Variants in STX3 observed in about 807,000 individuals in gnomAD.
STX3 encodes the protein syntaxin 3.
In STX3, 19 loss-of-function variants were observed where a neutral mutation model predicts 40.2. The ratio of observed to expected loss-of-function variants is 0.47; its 90% CI spans 0.33 to 0.69. The LOEUF is 0.69. Among genes scored for constraint, STX3 ranks in the 30% least tolerant of loss-of-function variants. The pLI is 0.02. For synonymous variants in STX3, 122 were observed against 132.2 expected (o/e 0.92, Z 0.53); for missense variants, 364 against 366.7 (o/e 0.99, Z 0.06).
Position 59,797,349 on chromosome 11 carries a change from T to A in STX3, c.853T>A (p.Ser285Thr). 6.2e-7 allele frequency: 1 copy of A among 1,614,190 alleles called. No homozygotes were observed. Among genetic ancestry groups the A allele is most frequent in the Non-Finnish European group, 8.5e-7 (1 of 1,180,032 alleles). Residue 285 changes from serine (S) to threonine (T), a missense_variant, in exon 10 of 11, where the codon TCC becomes ACC. Coordinates refer to ENST00000337979, the MANE Select transcript of STX3 (RefSeq NM_004177.5). ...LGILALIIGL[S>T]VGLN ...CATTTTAGCATTGATTATTGGACTT[T>A]CCGTTGGGCTGAATTAAGAGTGGCC...
At chr11:59,769,621 G>A (rs1863461617) in intron 1 of STX3, among the ~76,000 whole-genome samples, 1 of 152,172 alleles carries the variant, frequency 6.6e-6, no homozygotes, top group South Asian at 2.1e-4. Context: ...CTAAGAAGTA[G>A]CCATTGTGGA....
chr11:59,789,103 T>C (rs1416416224), intron 4 of STX3, 156 bp downstream of exon 4: 1 of 596,524 alleles, frequency 1.7e-6, no homozygotes, highest in Non-Finnish European at 2.9e-6. Flanking sequence ...CAATGATCCA[T>C]TGTAGCCCCA....
intron 1 of STX3, among the ~76,000 whole-genome samples, chr11:59,758,274 T>C (rs1039145972): frequency 6.6e-6 from 1 of 152,112 alleles, no homozygotes; most frequent in Non-Finnish European, 1.5e-5. Context: ...GGATTTTGAA[T>C]GTTGTAGGAA....
intron 2 of STX3, chr11:59,781,708 G>A: frequency 1.9e-6 from 3 of 1,595,988 alleles, no homozygotes; most frequent in Non-Finnish European, 2.6e-6. Context: ...TCCAGCTGCT[G>A]AACTGTGGCC....
Position 59,803,088 on chromosome 11 carries a change from T to A in STX3, c.*2264T>A. ...TTCTGGGTCCTAGAAGCCAGATCCA[T>A]CTCCTTTTTCCTTCTGTTGCTCTCT... On this transcript the variant is annotated 3_prime_UTR_variant, in exon 11 of 11. Transcript: ENST00000337979. 8.1e-7 allele frequency: 1 copy of A among 1,227,852 alleles called. No individual in the cohort carries two copies. The allele number at this position is 1,227,852 out of a possible 1,614,324, so 76.1% of individuals were successfully genotyped here. A position where few individuals can be genotyped will look rare whatever the true frequency, so the allele number is the denominator to read the frequency against.
intron 1 of STX3, among the ~76,000 whole-genome samples, chr11:59,764,169 T>G (rs1321661387): frequency 6.6e-6 from 1 of 152,192 alleles, no homozygotes; most frequent in Non-Finnish European, 1.5e-5. Context: ...TAAATGCCAA[T>G]GAATACATGA....
intron 1 of STX3, among the ~76,000 whole-genome samples, chr11:59,768,827 C>G (rs1238005778): frequency 2.0e-5 from 3 of 151,970 alleles, no homozygotes; most frequent in Non-Finnish European, 2.9e-5. Context: ...GTCTGCTACT[C>G]AAGCAAGGTC....
In STX3 at chr11:59,755,630, A is replaced by C. The variant is rs1426451043; in HGVS notation, c.25A>C (p.Lys9Gln). MKDRLEQLKAKQLTQDDDT... is the reference protein window; with the variant it reads MKDRLEQLQAKQLTQDDDT... ...GATGAAGGACCGTCTGGAGCAGCTGAAGGCCGTGAGTTTCGCCGCAGGCGG... is the reference window on the plus strand; with the variant it reads ...GATGAAGGACCGTCTGGAGCAGCTGCAGGCCGTGAGTTTCGCCGCAGGCGG... Residue 9 changes from lysine (K) to glutamine (Q), a missense_variant, in exon 1 of 11, where the codon AAG becomes CAG. Lys to Gln is a moderately conservative substitution (Grantham distance 53). Coordinates refer to ENST00000337979, the MANE Select transcript of STX3 (RefSeq NM_004177.5). 2 of 1,593,860 alleles carry C rather than the reference A, an allele frequency of 1.3e-6. No individual in the cohort carries two copies. Among genetic ancestry groups the C allele is most frequent in the Admixed American group, 3.4e-5 (2 of 59,648 alleles).
intron 1 of STX3, among the ~76,000 whole-genome samples, chr11:59,772,362 T>C (rs1863702312): frequency 6.6e-6 from 1 of 152,210 alleles, no homozygotes; most frequent in Non-Finnish European, 1.5e-5. Flanking sequence ...TTCCTTTAGA[T>C]GGCCATTTTG....
At chr11:59,762,551 T>C (rs117415834) in intron 1 of STX3, among the ~76,000 whole-genome samples, 5,672 of 152,220 alleles carry the variant, frequency 0.037, 158 homozygotes, top group Non-Finnish European at 0.054. Context: ...AGAATGACCA[T>C]GAGGGAGAGG....
intron 2 of STX3, chr11:59,781,378 TC>T (rs1039798943): frequency 1.3e-6 from 2 of 1,598,920 alleles, no homozygotes; most frequent in African/African-American, 2.7e-5. Context: ...ACCACTAATT[TC>T]CCATCTTTCA....
At chr11:59,786,406 A>AT (rs1362889318) in intron 2 of STX3, among the ~76,000 whole-genome samples, 2,791 of 126,976 alleles carry the variant, frequency 0.022, 92 homozygotes, top group African/African-American at 0.064. Flanking sequence ...CACCAGGCTA[A>AT]TTTTTTTTTT....
At chr11:59,761,197 C>G (rs1357652923) in intron 1 of STX3, among the ~76,000 whole-genome samples, 3 of 152,252 alleles carry the variant, frequency 2.0e-5, no homozygotes, top group South Asian at 2.1e-4. Context: ...GAAGGTTGCC[C>G]CTATTTAGAA....
intron 2 of STX3, among the ~76,000 whole-genome samples, chr11:59,783,121 C>T (rs763083356): frequency 6.6e-6 from 1 of 152,138 alleles, no homozygotes; most frequent in Non-Finnish European, 1.5e-5. Flanking sequence ...AGCAATACTT[C>T]TTGAGGGCTC....
At chr11:59,789,605 C>T (rs1056185539) in intron 4 of STX3, among the ~76,000 whole-genome samples, 1 of 152,026 alleles carries the variant, frequency 6.6e-6, no homozygotes, top group Non-Finnish European at 1.5e-5. Flanking sequence ...CACGCTCAGT[C>T]AATTTTTGTA....
chr11:59,765,461 C>G (rs1863235884), intron 1 of STX3, among the ~76,000 whole-genome samples: 1 of 152,036 alleles, frequency 6.6e-6, no homozygotes, highest in African/African-American at 2.4e-5. Context: ...TCCCCAGACC[C>G]TCATTTGGAG....
At chr11:59,797,438 C>T in intron 10 of STX3, 42 bp downstream of exon 10, 1 of 1,455,624 alleles carries the variant, frequency 6.9e-7, no homozygotes, top group Non-Finnish European at 9.6e-7. Context: ...GATTTGGCTC[C>T]TCAAGAGGAA....
chr11:59,791,405 T>C (rs1865149359), intron 5 of STX3, among the ~76,000 whole-genome samples: 1 of 152,182 alleles, frequency 6.6e-6, no homozygotes, highest in South Asian at 2.1e-4. Context: ...AGGCATTTGC[T>C]TCAGGCGGCA....
At chr11:59,765,967 C>T (rs1863262761) in intron 1 of STX3, among the ~76,000 whole-genome samples, 1 of 152,200 alleles carries the variant, frequency 6.6e-6, no homozygotes, top group South Asian at 2.1e-4. Flanking sequence ...TTTGTACTCG[C>T]TTGGTTGTGC....
Sources: allele counts gnomAD v4.1 joint callset (sites outside exome capture counted in the v4.1 genomes callset), GRCh38; gene constraint gnomAD v4.1.1; transcripts MANE v1.5; gene names NCBI Gene and HGNC (gene_info 2026-07-23, HGNC 2026-07-21).